The following KIRREL3 variants were observed in gnomAD, a reference collection of about 807,000 sequenced individuals.
The protein encoded by KIRREL3 is kirre like nephrin family adhesion molecule 3.
A neutral mutation model predicts 89.7 loss-of-function variants in KIRREL3; 36 were observed. The observed-to-expected ratio is 0.40, with a 90% confidence interval of 0.31 to 0.53. KIRREL3 has a LOEUF of 0.53. Ranked by LOEUF, KIRREL3 falls within the 20% of genes least tolerant of loss-of-function variation. The pLI is 0.49. For synonymous variants in KIRREL3, 445 were observed against 441.4 expected (o/e 1.01, Z -0.10); for missense variants, 864 against 1,056.6 (o/e 0.82, Z 2.53).
intron 1 of KIRREL3, among the ~76,000 whole-genome samples, chr11:126,868,596 G>T (rs1945001308): frequency 6.6e-6 from 1 of 152,184 alleles, no homozygotes; most frequent in Non-Finnish European, 1.5e-5. Context: ...GGTTGGTTAG[G>T]AGGGTAAAGT....
Position 126,424,565 on chromosome 11 carries a change from C to T in KIRREL3, c.*15G>A, listed in dbSNP as rs1399105681. 23 of 1,612,024 alleles carry T rather than the reference C, an allele frequency of 1.4e-5. No homozygotes were observed. Among genetic ancestry groups the T allele is most frequent in the East Asian group, 4.5e-5 (2 of 44,848 alleles). The stretch of plus-strand genomic sequence containing the variant: ...ACCTCTTCCCTGGCCCGTCCCCACC[C>T]GCGGTGTGTGATCCTTAGACGTGAG... On this transcript the variant is annotated 3_prime_UTR_variant, in exon 17 of 17. Transcript: ENST00000525144.
chr11:126,907,932 T>C (rs1946652505), intron 1 of KIRREL3, among the ~76,000 whole-genome samples: 1 of 152,132 alleles, frequency 6.6e-6, no homozygotes, highest in African/African-American at 2.4e-5. Context: ...TCTGCGTGGC[T>C]TGCTCCTCAC....
intron 1 of KIRREL3, among the ~76,000 whole-genome samples, chr11:126,939,038 G>A (rs535454220): frequency 2.0e-5 from 3 of 152,266 alleles, no homozygotes; most frequent in Non-Finnish European, 2.9e-5. Flanking sequence ...GCCCCGCCCT[G>A]CCAGGCACAC....
At position 126,432,451 on chromosome 11, in the gene KIRREL3, T is replaced by G. The variant is rs1404997667; in HGVS notation, c.1589-925A>C. Among the ~76,000 whole-genome samples, 1 of 152,100 alleles carries G rather than the reference T, an allele frequency of 6.6e-6. No homozygotes were observed. Among genetic ancestry groups the G allele is most frequent in the Non-Finnish European group, 1.5e-5 (1 of 67,998 alleles). On this transcript the variant is annotated intron_variant, in intron 13 of 16. Coordinates refer to ENST00000525144, the MANE Select transcript of KIRREL3 (RefSeq NM_032531.4). This position sits in a 1 kb window ranked among gnomAD's most constrained non-coding sequence, Gnocchi z 6.2. ...ATCCATCAGGAATAGAACTAGAGAA[T>G]GCTGGGGCAGGGAGAGCTTGGGGCT...
At chr11:126,473,279 C>A in intron 5 of KIRREL3, 30 bp downstream of exon 5, 1 of 1,107,086 alleles carries the variant, frequency 9.0e-7, no homozygotes, top group South Asian at 1.8e-5. Context: ...GAAGCCCGTC[C>A]ACACCCACCC....
chr11:126,486,528 A>C lies in KIRREL3; in HGVS notation c.434-13062T>G, dbSNP rs564862180. On this transcript the variant is annotated intron_variant, in intron 4 of 16. Coordinates refer to ENST00000525144, the MANE Select transcript of KIRREL3 (RefSeq NM_032531.4). The surrounding 1 kb of genome is among the most constrained non-coding windows in gnomAD (Gnocchi z 6.2). ...CTTGCAGCCGCTCACAAAGCTCTCC[A>C]GCTGGTTTCGACCTTAACCTGATTT... 1.6e-4 allele frequency among the ~76,000 whole-genome samples: 25 copies of C among 152,386 alleles called. No individual in the cohort carries two copies. The highest frequency in any genetic ancestry group is 5.8e-4 in the African/African-American group (24 of 41,594).
rs571520550 is a variant in KIRREL3, at chr11:126,755,930, T to TGGAAACTCACTC, written c.56-193030_56-193019dup. Among the ~76,000 whole-genome samples, 471 of 152,108 alleles carry TGGAAACTCACTC rather than the reference T, an allele frequency of 3.1e-3. 4 individuals carry two copies. The highest frequency in any genetic ancestry group is 0.011 in the African/African-American group (453 of 41,446). ...GAGCTGAGCACCCAGCACCTAATTTTGGAAACTCACTCGTAATTTCAATCA... is the reference window on the plus strand; with the variant it reads ...GAGCTGAGCACCCAGCACCTAATTTTGGAAACTCACTCGGAAACTCACTCGTAATTTCAATCA... On this transcript the variant is annotated intron_variant, in intron 1 of 16. Coordinates refer to ENST00000525144, the MANE Select transcript of KIRREL3 (RefSeq NM_032531.4). The surrounding 1 kb of genome is among the most constrained non-coding windows in gnomAD (Gnocchi z 4.3).
chr11:126,806,033 A>T (rs1175910804), intron 1 of KIRREL3, among the ~76,000 whole-genome samples: 1 of 152,218 alleles, frequency 6.6e-6, no homozygotes, highest in Admixed American at 6.5e-5. Flanking sequence ...GTCAAATTAA[A>T]TGCCTGAATA....
chr11:126,450,989 CA>C (rs1956080051), intron 7 of KIRREL3, among the ~76,000 whole-genome samples: 1 of 113,528 alleles, frequency 8.8e-6, no homozygotes, highest in South Asian at 2.8e-4. Context: ...GTGCATGTGT[CA>C]ATGTGCATGT....
Position 126,805,824 on chromosome 11 carries a change from T to C in KIRREL3, c.55+194631A>G, listed in dbSNP as rs1839516337. On this transcript the variant is annotated intron_variant, in intron 1 of 16. Coordinates refer to ENST00000525144, the MANE Select transcript of KIRREL3 (RefSeq NM_032531.4). This position sits in a 1 kb window ranked among gnomAD's most constrained non-coding sequence, Gnocchi z 4.3. ...TTTCACGGTTTTCCTGCTCAGCTTA[T>C]TCATCCAAGTTCCCACTCAGCCCCC... is the stretch of plus-strand genomic sequence containing the variant. Among the ~76,000 whole-genome samples the C allele has an allele frequency of 6.6e-6, 1 of 152,184 alleles. No homozygotes were observed. The highest frequency in any genetic ancestry group is 1.9e-4 in the East Asian group (1 of 5,178).
intron 1 of KIRREL3, among the ~76,000 whole-genome samples, chr11:126,851,220 A>G (rs1944328813): frequency 6.6e-6 from 1 of 152,248 alleles, no homozygotes; most frequent in Admixed American, 6.5e-5. Context: ...AGTGAATGAA[A>G]GAGCCATATT....
chr11:126,907,366 A>G (rs1420275910), intron 1 of KIRREL3, among the ~76,000 whole-genome samples: 1 of 152,202 alleles, frequency 6.6e-6, no homozygotes, highest in Non-Finnish European at 1.5e-5. Flanking sequence ...AGAATATCAT[A>G]GTTTCCCCAG....
At position 126,684,394 on chromosome 11, in the gene KIRREL3, C is replaced by A. The variant is rs1303175100; in HGVS notation, c.56-121482G>T. Among the ~76,000 whole-genome samples the A allele has an allele frequency of 6.6e-6, 1 of 152,218 alleles. No homozygotes were observed. Among genetic ancestry groups the A allele is most frequent in the Admixed American group, 6.5e-5 (1 of 15,292 alleles). On this transcript the variant is annotated intron_variant, in intron 1 of 16. Transcript: ENST00000525144. This position sits in a 1 kb window ranked among gnomAD's most constrained non-coding sequence, Gnocchi z 4.2. ...AAGAAGTGATACATTAAAAACACAT[C>A]GAAGCAAAACCTCCTGGTTGAACTG...
At position 126,535,609 on chromosome 11, in the gene KIRREL3, G is replaced by T. The variant is rs1591696100; in HGVS notation, c.134-8922C>A. On this transcript the variant is annotated intron_variant, in intron 2 of 16. Coordinates refer to ENST00000525144, the MANE Select transcript of KIRREL3 (RefSeq NM_032531.4). The surrounding 1 kb of genome is among the most constrained non-coding windows in gnomAD (Gnocchi z 4.5). ...TGTGTGTGTGCACGTGGGTGTGTTT[G>T]TCAGATTAACTGAATTGGCCTCAAC... is the stretch of plus-strand genomic sequence containing the variant. 6.6e-6 allele frequency among the ~76,000 whole-genome samples: 1 copy of T among 152,106 alleles called. No individual in the cohort carries two copies.
Position 126,724,791 on chromosome 11 carries a change from C to T in KIRREL3, c.56-161879G>A, listed in dbSNP as rs1016603864. 6.6e-6 allele frequency among the ~76,000 whole-genome samples: 1 copy of T among 152,190 alleles called. No homozygotes were observed. ...TAGATAAGAGTCAGGATTATTAGAC[C>T]TGCCTATGGGCCAAGGGTTCTTACT... On this transcript the variant is annotated intron_variant, in intron 1 of 16. Transcript: ENST00000525144. This position sits in a 1 kb window ranked among gnomAD's most constrained non-coding sequence, Gnocchi z 4.3.
At position 126,574,394 on chromosome 11, in the gene KIRREL3, G is replaced by A. The variant is rs1352161101; in HGVS notation, c.56-11482C>T. ...TCTCTTTAATGATAACCTTTCAGCA[G>A]TGAGTGGGCAAAGGAGAGCATGATG... On this transcript the variant is annotated intron_variant, in intron 1 of 16. Coordinates refer to ENST00000525144, the MANE Select transcript of KIRREL3 (RefSeq NM_032531.4). The surrounding 1 kb of genome is among the most constrained non-coding windows in gnomAD (Gnocchi z 5.3). Among the ~76,000 whole-genome samples the A allele has an allele frequency of 6.6e-6, 1 of 152,170 alleles. No individual in the cohort carries two copies. Among genetic ancestry groups the A allele is most frequent in the Admixed American group, 6.5e-5 (1 of 15,278 alleles).
intron 1 of KIRREL3, among the ~76,000 whole-genome samples, chr11:126,727,236 A>AGGTC (rs1555183548): frequency 6.6e-5 from 10 of 152,332 alleles, no homozygotes; most frequent in African/African-American, 2.2e-4. Context: ...TTCCCCTTGG[A>AGGTC]GGCCGGCTGG....
At chr11:126,851,706 C>A (rs1301174935) in intron 1 of KIRREL3, among the ~76,000 whole-genome samples, 1 of 152,254 alleles carries the variant, frequency 6.6e-6, no homozygotes, top group East Asian at 1.9e-4. Flanking sequence ...CTGCAGGATG[C>A]AAATTGTGGA....
At position 126,748,385 on chromosome 11, in the gene KIRREL3, T is replaced by C. The variant is rs1046866601; in HGVS notation, c.56-185473A>G. ...CAAGTCCCCACTTAAACAATAATCTTGCCATTGCATCTGCAAAACCCCAGA... is the reference window on the plus strand; with the variant it reads ...CAAGTCCCCACTTAAACAATAATCTCGCCATTGCATCTGCAAAACCCCAGA... On this transcript the variant is annotated intron_variant, in intron 1 of 16. Transcript: ENST00000525144. The surrounding 1 kb of genome is among the most constrained non-coding windows in gnomAD (Gnocchi z 4.6). 4.6e-5 allele frequency among the ~76,000 whole-genome samples: 7 copies of C among 152,240 alleles called. No homozygotes were observed. Among genetic ancestry groups the C allele is most frequent in the African/African-American group, 1.7e-4 (7 of 41,464 alleles).
Sources: gnomAD v4.1 joint callset for allele counts (sites outside exome capture counted in the v4.1 genomes callset) on GRCh38, gnomAD v4.1.1 for gene constraint, Gnocchi (gnomAD v3.1) non-coding constraint, MANE v1.5 for transcripts, NCBI Gene and HGNC (gene_info 2026-07-23, HGNC 2026-07-21) for gene names.